The following MCUB variants were observed in gnomAD, a reference collection of about 807,000 sequenced individuals.
MCUB encodes calcium uniporter regulatory subunit MCUb, mitochondrial.
MCUB carries 46 observed loss-of-function variants against 41.4 expected under a neutral mutation model. The observed-to-expected ratio is 1.11, with a 90% CI of 0.88 to 1.42. MCUB has a LOEUF of 1.42. MCUB is among the 40% of genes most tolerant of loss of function. MCUB has a pLI of 0.00. For missense variants in MCUB, 403 were observed against 404.9 expected (o/e 1.00, Z 0.04); for synonymous variants, 148 against 148.2 (o/e 1.00, Z 0.01).
intron 1 of MCUB, among the ~76,000 whole-genome samples, chr4:109,651,481 C>G (rs1156324182): frequency 6.6e-6 from 1 of 152,202 alleles, no homozygotes; most frequent in African/African-American, 2.4e-5. Context: ...AGAAGTGCCA[C>G]TGCTCATAGG....
intron 1 of MCUB, among the ~76,000 whole-genome samples, chr4:109,656,354 C>CTTTTTTTTTTTTTTTTTTTTT: frequency 1.6e-5 from 1 of 62,096 alleles, no homozygotes; most frequent in Non-Finnish European, 3.1e-5. Context: ...TTACTCTCTA[C>CTTTTTTTTTTTTTTTTTTTTT]TTTTTTTTTT....
At chr4:109,625,986 G>A (rs989285945) in intron 1 of MCUB, among the ~76,000 whole-genome samples, 6 of 152,158 alleles carry the variant, frequency 3.9e-5, no homozygotes, top group African/African-American at 1.4e-4. Context: ...GCTCAGACAT[G>A]ATTCAGTTTT....
Position 109,687,569 on chromosome 4 carries a change from G to A in MCUB, c.988G>A (p.Glu330Lys), listed in dbSNP as rs1396112520. 2 of 1,610,388 alleles carry A rather than the reference G, an allele frequency of 1.2e-6. No homozygotes were observed. The highest frequency in any genetic ancestry group is 2.2e-5 in the South Asian group (2 of 90,898). Residue 330 changes from glutamate to lysine, a missense_variant, in exon 8 of 8, where the codon GAA becomes AAA. Glu to Lys is a moderately conservative substitution (Grantham distance 56). Transcript: ENST00000394650. ...RHSLCLQMQV[E>K]ELNEKN Reference sequence around the variant, plus strand: ...TTCTCTCTGTTTGCAAATGCAAGTAGAAGAACTCAATGAAAAGAATTAATC... The same window carrying A: ...TTCTCTCTGTTTGCAAATGCAAGTAAAAGAACTCAATGAAAAGAATTAATC...
At chr4:109,623,264 T>C (rs1250197569) in intron 1 of MCUB, among the ~76,000 whole-genome samples, 4 of 152,334 alleles carry the variant, frequency 2.6e-5, no homozygotes, top group African/African-American at 9.6e-5. Context: ...ACTTGTCATG[T>C]GGATGTAAGA....
chr4:109,634,486 A>G (rs1297760511), intron 1 of MCUB, among the ~76,000 whole-genome samples: 20 of 25,212 alleles, frequency 7.9e-4, no homozygotes, highest in Non-Finnish European at 1.7e-3. Flanking sequence ...TCTGTCTCAG[A>G]AAAAAAAAAA....
rs1289958094 is a variant in MCUB at position 109,687,567 on chromosome 4, TAGA to T, written c.991_993del (p.Glu331del). On this transcript the variant is annotated inframe_deletion, in exon 8 of 8. Transcript: ENST00000394650. Reference sequence around the variant, plus strand: ...CATTCTCTCTGTTTGCAAATGCAAGTAGAAGAACTCAATGAAAAGAATTAATCT... The same window carrying T: ...CATTCTCTCTGTTTGCAAATGCAAGTAGAACTCAATGAAAAGAATTAATCT... 2.5e-6 allele frequency: 4 copies of T among 1,610,488 alleles called. No homozygotes were observed. The highest frequency in any genetic ancestry group is 3.4e-6 in the Non-Finnish European group (4 of 1,177,026).
chr4:109,682,389 T>G (rs1729738299), intron 4 of MCUB, among the ~76,000 whole-genome samples, 193 bp from the exon 5 acceptor site: 1 of 152,092 alleles, frequency 6.6e-6, no homozygotes, highest in Non-Finnish European at 1.5e-5. Flanking sequence ...TTACTGTGAC[T>G]CTCTTTGTTG....
intron 1 of MCUB, among the ~76,000 whole-genome samples, chr4:109,629,993 A>G (rs368734638): frequency 1.4e-4 from 21 of 152,302 alleles, no homozygotes; most frequent in African/African-American, 4.8e-4. Context: ...CCCGTCCTGA[A>G]GCTACCTAGG....
intron 1 of MCUB, among the ~76,000 whole-genome samples, chr4:109,602,669 G>A (rs1055100393): frequency 6.6e-6 from 1 of 152,098 alleles, no homozygotes; most frequent in Non-Finnish European, 1.5e-5. Flanking sequence ...TTTTTGCTTA[G>A]GATAGTTTTG....
At chr4:109,586,555 C>T (rs1165141693) in intron 1 of MCUB, among the ~76,000 whole-genome samples, 3 of 152,184 alleles carry the variant, frequency 2.0e-5, no homozygotes, top group Non-Finnish European at 1.5e-5. Flanking sequence ...GAATTTTCAG[C>T]TTTTCTGCTC....
intron 1 of MCUB, among the ~76,000 whole-genome samples, chr4:109,569,951 G>A (rs988461827): frequency 2.0e-5 from 3 of 152,156 alleles, no homozygotes; most frequent in Non-Finnish European, 4.4e-5. Flanking sequence ...TCCGAGAATG[G>A]TAATCCATGG....
intron 1 of MCUB, among the ~76,000 whole-genome samples, chr4:109,571,391 C>T (rs1453067424): frequency 6.6e-6 from 1 of 152,190 alleles, no homozygotes; most frequent in Non-Finnish European, 1.5e-5. Context: ...TGGCTCACTG[C>T]AACCTCCGCC....
chr4:109,669,822 C>T (rs896873379), intron 4 of MCUB, among the ~76,000 whole-genome samples: 7 of 152,042 alleles, frequency 4.6e-5, no homozygotes, highest in African/African-American at 1.7e-4. Flanking sequence ...CATTAAAGGC[C>T]TTCTTCCTTT....
At chr4:109,616,071 G>A (rs1444243856) in intron 1 of MCUB, among the ~76,000 whole-genome samples, 1 of 152,238 alleles carries the variant, frequency 6.6e-6, no homozygotes, top group Non-Finnish European at 1.5e-5. Flanking sequence ...AGTTCCAAAA[G>A]GATATATGTG....
chr4:109,601,919 G>A (rs530236304), intron 1 of MCUB, among the ~76,000 whole-genome samples: 28 of 152,284 alleles, frequency 1.8e-4, no homozygotes, highest in East Asian at 1.3e-3. Context: ...TTGAATATAA[G>A]CCATTTTAAC....
chr4:109,669,341 T>C (rs1729407122), intron 4 of MCUB, among the ~76,000 whole-genome samples: 1 of 152,196 alleles, frequency 6.6e-6, no homozygotes, highest in South Asian at 2.1e-4. Flanking sequence ...AAATATTTTA[T>C]CCCACTTCTT....
intron 1 of MCUB, among the ~76,000 whole-genome samples, chr4:109,586,913 C>T (rs113211955): frequency 0.11 from 16,247 of 152,250 alleles, 948 homozygotes; most frequent in Non-Finnish European, 0.13. Context: ...ACACGGAGGT[C>T]AGGGACCCAC....
At chr4:109,612,308 C>G (rs1301922167) in intron 1 of MCUB, among the ~76,000 whole-genome samples, 1 of 149,478 alleles carries the variant, frequency 6.7e-6, no homozygotes, top group Non-Finnish European at 1.5e-5. Flanking sequence ...AGCCAGCCAC[C>G]CAGGCTGGAG....
At chr4:109,565,316 T>A (rs183065000) in intron 1 of MCUB, among the ~76,000 whole-genome samples, 86 of 152,354 alleles carry the variant, frequency 5.6e-4, no homozygotes, top group African/African-American at 2.0e-3. Context: ...GCTATACGCT[T>A]CACTGTCTGT....
Sources: allele counts gnomAD v4.1 joint callset (sites outside exome capture counted in the v4.1 genomes callset), GRCh38; gene constraint gnomAD v4.1.1; transcripts MANE v1.5; gene names NCBI Gene and HGNC (gene_info 2026-07-23, HGNC 2026-07-21).